Variants in HORMAD2 observed in about 807,000 individuals in gnomAD.
The protein encoded by HORMAD2 is HORMA domain containing 2, also known as HORMA domain-containing protein 2.
Under a neutral mutation model 38.8 loss-of-function variants are expected in HORMAD2, and 45 were observed. The ratio of observed to expected loss-of-function variants is 1.16; its 90% confidence interval spans 0.91 to 1.49. HORMAD2 has a LOEUF of 1.49. Among genes scored for constraint, HORMAD2 ranks in the 40% most tolerant of loss-of-function variants. HORMAD2 has a pLI of 0.00. For synonymous variants in HORMAD2, 126 were observed against 122.8 expected, an observed-to-expected ratio of 1.03 and a Z score of -0.17; for missense variants, 338 against 367.0, an observed-to-expected ratio of 0.92 and a Z score of 0.65.
chr22:30,136,855 C>A (rs1186468555), intron 10 of HORMAD2: 2 of 358,944 alleles, frequency 5.6e-6, no homozygotes, highest in Non-Finnish European at 1.0e-5. Flanking sequence ...AGAGGATAAA[C>A]AGATAGGCAA....
intron 5 of HORMAD2, among the ~76,000 whole-genome samples, chr22:30,105,702 A>G (rs1921138340): frequency 6.6e-6 from 1 of 152,212 alleles, no homozygotes; most frequent in South Asian, 2.1e-4. Flanking sequence ...AAGTGAATTC[A>G]TATGCAGGGC....
chr22:30,131,877 T>C (rs953180106), intron 10 of HORMAD2, among the ~76,000 whole-genome samples: 6 of 152,352 alleles, frequency 3.9e-5, no homozygotes, highest in Admixed American at 2.6e-4. Flanking sequence ...TTTCCCTCCA[T>C]GAAGCTCATT....
intron 3 of HORMAD2, 75 bp downstream of exon 3, chr22:30,099,068 C>A: frequency 1.5e-6 from 2 of 1,320,300 alleles, no homozygotes; most frequent in Non-Finnish European, 2.0e-6. Context: ...CCTTTCACGT[C>A]TCACAAAGTG....
At chr22:30,088,208 CAT>C (rs1372569005) in intron 1 of HORMAD2, among the ~76,000 whole-genome samples, 1 of 149,806 alleles carries the variant, frequency 6.7e-6, no homozygotes, top group Non-Finnish European at 1.5e-5. Flanking sequence ...TACATATATA[CAT>C]ATATACACAT....
chr22:30,189,729 A>G, the HORMAD2 span, among the ~76,000 whole-genome samples: 1 of 152,072 alleles, frequency 6.6e-6, no homozygotes, highest in South Asian at 2.1e-4. Context: ...GTCTTTCTCC[A>G]AGACATACTG....
At chr22:30,116,233 A>G (rs1922036377) in intron 7 of HORMAD2, among the ~76,000 whole-genome samples, 1 of 152,182 alleles carries the variant, frequency 6.6e-6, no homozygotes, top group Non-Finnish European at 1.5e-5. Flanking sequence ...GAAAGTGGCC[A>G]GAGATAAGGT....
At chr22:30,116,504 G>C (rs1922055350) in intron 7 of HORMAD2, among the ~76,000 whole-genome samples, 1 of 152,170 alleles carries the variant, frequency 6.6e-6, no homozygotes, top group African/African-American at 2.4e-5. Context: ...TGCATATGTT[G>C]CTGCTGCTTT....
chr22:30,141,919 C>A (rs1924105388), intron 10 of HORMAD2, among the ~76,000 whole-genome samples: 1 of 152,038 alleles, frequency 6.6e-6, no homozygotes, highest in Non-Finnish European at 1.5e-5. Context: ...TTATTTCTAT[C>A]CTTTTACATT....
intron 1 of HORMAD2, among the ~76,000 whole-genome samples, chr22:30,088,718 AAGTTTTATT>A (rs1404621403): frequency 6.6e-6 from 1 of 151,454 alleles, no homozygotes; most frequent in Non-Finnish European, 1.5e-5. Context: ...AAGTTTTATT[AAGTTTTATT>A]AGTTTTATTA....
intron 10 of HORMAD2, among the ~76,000 whole-genome samples, chr22:30,143,014 A>G (rs1045747935): frequency 6.6e-6 from 1 of 152,064 alleles, no homozygotes; most frequent in African/African-American, 2.4e-5. Context: ...AAGATCAACA[A>G]TTATTGTTTA....
At chr22:30,144,379 T>C (rs1427526220) in intron 10 of HORMAD2, among the ~76,000 whole-genome samples, 2 of 152,260 alleles carry the variant, frequency 1.3e-5, no homozygotes, top group Non-Finnish European at 1.5e-5. Context: ...ATACCTGTAA[T>C]GAATCTACCA....
chr22:30,188,763 C>T, the HORMAD2 span, among the ~76,000 whole-genome samples: 3 of 152,286 alleles, frequency 2.0e-5, no homozygotes, highest in East Asian at 5.8e-4. Context: ...CTTTAAAATA[C>T]CTTTTTCCCC....
At chr22:30,111,378 C>G (rs1012575509) in intron 5 of HORMAD2, among the ~76,000 whole-genome samples, 2 of 152,016 alleles carry the variant, frequency 1.3e-5, no homozygotes, top group African/African-American at 4.8e-5. Flanking sequence ...CGCAGCTACT[C>G]AGGAGGCTGA....
chr22:30,190,961 T>G, the HORMAD2 span, among the ~76,000 whole-genome samples: 1 of 151,698 alleles, frequency 6.6e-6, no homozygotes, highest in Admixed American at 6.6e-5. Flanking sequence ...CAGATTCTAT[T>G]TTTAGTCAAA....
At chr22:30,196,819 C>T in the HORMAD2 span, among the ~76,000 whole-genome samples, 2 of 152,196 alleles carry the variant, frequency 1.3e-5, no homozygotes. Context: ...GTATAAATCC[C>T]ATAACAACAG....
At chr22:30,123,228 G>C (rs1922585071) in intron 10 of HORMAD2, among the ~76,000 whole-genome samples, 1 of 151,956 alleles carries the variant, frequency 6.6e-6, no homozygotes, top group African/African-American at 2.4e-5. Context: ...TTTGGATTTT[G>C]GTGCAATTTT....
intron 2 of HORMAD2, among the ~76,000 whole-genome samples, chr22:30,098,451 A>T (rs1320187231): frequency 6.6e-6 from 1 of 152,218 alleles, no homozygotes; most frequent in African/African-American, 2.4e-5. Context: ...GTTACATATT[A>T]TGAGGAATGA....
chr22:30,111,700 C>A, intron 5 of HORMAD2, 96 bp from the exon 6 acceptor site: 3 of 1,018,992 alleles, frequency 2.9e-6, no homozygotes, highest in South Asian at 1.7e-5. Flanking sequence ...ATCTTTCGAA[C>A]CTCTCTGAAA....
chr22:30,087,468 A>G (rs572899559), intron 1 of HORMAD2, among the ~76,000 whole-genome samples: 2 of 152,286 alleles, frequency 1.3e-5, no homozygotes, highest in South Asian at 4.1e-4. Context: ...TTGTTCATCC[A>G]GGGAGTGTGT....
Sources: allele counts gnomAD v4.1 joint callset (sites outside exome capture counted in the v4.1 genomes callset), GRCh38; gene constraint gnomAD v4.1.1; transcripts MANE v1.5; gene names NCBI Gene and HGNC (gene_info 2026-07-23, HGNC 2026-07-21).